The following SASH1 variants were observed in gnomAD, a reference collection of about 807,000 sequenced individuals.
SASH1 encodes the protein SAM and SH3 domain containing 1.
SASH1 carries 44 observed loss-of-function variants against 125.2 expected under a neutral mutation model. The ratio of observed to expected loss-of-function variants is 0.35; its 90% confidence interval spans 0.28 to 0.45. The LOEUF is 0.45. Ranked by LOEUF, SASH1 falls within the 20% of genes least tolerant of loss-of-function variation. The probability of loss-of-function intolerance (pLI) is 1.00; values close to 1 mark genes in which losing one functional copy is unlikely to be tolerated. For missense variants in SASH1, 1,426 were observed against 1,614.5 expected (o/e 0.88, Z 2.00); for synonymous variants, 639 against 649.1 (o/e 0.98, Z 0.24).
chr6:148,308,493 T>A (rs1780205563), intron 1 of SASH1, among the ~76,000 whole-genome samples: 2 of 151,478 alleles, frequency 1.3e-5, no homozygotes, highest in African/African-American at 4.9e-5. Flanking sequence ...CTTCCCAGGT[T>A]CAAGCAATTC....
Position 148,519,541 on chromosome 6 carries a change from C to T in SASH1, c.863-6C>T. The T allele has an allele frequency of 4.3e-6, 7 of 1,610,488 alleles. No homozygotes were observed. Among genetic ancestry groups the T allele is most frequent in the East Asian group, 2.2e-5 (1 of 44,834 alleles). ...TTCACAAGAGACTCTGTTGGTTTCCCTCCAGGTGGGGAGGAGCACGTGTTT... is the reference window on the plus strand; with the variant it reads ...TTCACAAGAGACTCTGTTGGTTTCCTTCCAGGTGGGGAGGAGCACGTGTTT... On this transcript the variant is annotated splice_polypyrimidine_tract_variant and splice_region_variant and intron_variant, in intron 9 of 19. Transcript: ENST00000367467. This position sits in a 1 kb window ranked among gnomAD's most constrained non-coding sequence, Gnocchi z 4.8.
chr6:148,379,083 G>A (rs1783028470), intron 1 of SASH1, among the ~76,000 whole-genome samples: 2 of 152,182 alleles, frequency 1.3e-5, no homozygotes, highest in Non-Finnish European at 2.9e-5. Flanking sequence ...CAAAATCTCT[G>A]TGGTTTGGTT....
chr6:148,449,965 G>A (rs1444780616), intron 4 of SASH1, among the ~76,000 whole-genome samples: 2 of 152,068 alleles, frequency 1.3e-5, no homozygotes, highest in African/African-American at 2.4e-5. Context: ...CACAAGCATG[G>A]CAGCAAACCA....
At chr6:148,305,907 C>G (rs1017851501) in intron 1 of SASH1, among the ~76,000 whole-genome samples, 2 of 152,112 alleles carry the variant, frequency 1.3e-5, no homozygotes, top group Non-Finnish European at 2.9e-5. Context: ...TAGAATAACT[C>G]AGGGAGTACA....
At chr6:148,268,633 G>A (rs1436291740), upstream of SASH1, among the ~76,000 whole-genome samples, 1 of 152,130 alleles carries the variant, frequency 6.6e-6, no homozygotes, top group Non-Finnish European at 1.5e-5. Flanking sequence ...GTGGAATTCT[G>A]TTCCCTCTGG....
the SASH1 span, among the ~76,000 whole-genome samples, chr6:148,213,529 TG>T: frequency 6.6e-6 from 1 of 151,482 alleles, no homozygotes; most frequent in African/African-American, 2.4e-5. Flanking sequence ...TGTGTGTGTG[TG>T]TGTTTAAAGT....
chr6:148,307,026 TTC>T (rs1054481027), intron 1 of SASH1, among the ~76,000 whole-genome samples: 1 of 18,698 alleles, frequency 5.3e-5, no homozygotes, highest in Non-Finnish European at 1.1e-4. Flanking sequence ...TCTCTTTCTT[TTC>T]TTTCTTTCTT....
intron 7 of SASH1, among the ~76,000 whole-genome samples, chr6:148,487,364 G>A (rs1778922362): frequency 6.6e-6 from 1 of 151,984 alleles, no homozygotes; most frequent in Non-Finnish European, 1.5e-5. Flanking sequence ...TTTGCCTGTT[G>A]ATTTGACTTA....
chr6:148,387,059 C>T lies in SASH1; in HGVS notation c.157-3075C>T, dbSNP rs917081505. Among the ~76,000 whole-genome samples, 6 of 149,362 alleles carry T rather than the reference C, an allele frequency of 4.0e-5. No homozygotes were observed. The East Asian group carries it at 9.8e-4, about 24-fold the overall frequency. ...TCTTTCTTGCTTTCTCCCTCTCTTT[C>T]TTTCTTGCTTTCTCCCTCTGTCTCT... On this transcript the variant is annotated intron_variant, in intron 1 of 19. Coordinates refer to ENST00000367467, the MANE Select transcript of SASH1 (RefSeq NM_015278.5).
Position 148,546,278 on chromosome 6 carries a change from A to G in SASH1, c.3480+132A>G, listed in dbSNP as rs1278688425. On this transcript the variant is annotated intron_variant, in intron 19 of 19. Transcript: ENST00000367467. The stretch of plus-strand genomic sequence containing the variant: ...AAAGGAGACAGCTGGGGAGAAAGTA[A>G]TATGTGGTCAGCCTAGAAATGTTTA... 4 of 1,019,630 alleles carry G rather than the reference A, an allele frequency of 3.9e-6. No homozygotes were observed. In the South Asian group the frequency reaches 5.0e-5, roughly 13 times the overall value. 63.2% of individuals were successfully genotyped at this position (1,019,630 alleles called of 1,614,324 possible). A position where few individuals can be genotyped will look rare whatever the true frequency, so the allele number is the denominator to read the frequency against.
intron 7 of SASH1, among the ~76,000 whole-genome samples, chr6:148,486,159 C>T (rs1347761516): frequency 6.6e-6 from 1 of 152,116 alleles, no homozygotes; most frequent in Non-Finnish European, 1.5e-5. Flanking sequence ...TTGCTCTTGT[C>T]GCCCGGGCTG....
chr6:148,287,070 G>A (rs1779500123), intron 1 of SASH1, among the ~76,000 whole-genome samples: 2 of 152,158 alleles, frequency 1.3e-5, no homozygotes, highest in Non-Finnish European at 2.9e-5. Context: ...AGATGTGAGT[G>A]GAGGTGCCGT....
At chr6:148,299,243 T>G (rs1779865430) in intron 1 of SASH1, among the ~76,000 whole-genome samples, 1 of 152,180 alleles carries the variant, frequency 6.6e-6, no homozygotes, top group Admixed American at 6.5e-5. Flanking sequence ...AGCCAGTTGC[T>G]GGAGATGTAG....
intron 2 of SASH1, among the ~76,000 whole-genome samples, chr6:148,436,533 A>G (rs2114992686): frequency 6.6e-6 from 1 of 151,988 alleles, no homozygotes; most frequent in South Asian, 2.1e-4. Flanking sequence ...AAAAATTAAA[A>G]AAAACAAAAA....
chr6:148,302,186 G>A (rs1363288858), intron 1 of SASH1, among the ~76,000 whole-genome samples: 2 of 150,898 alleles, frequency 1.3e-5, no homozygotes, highest in African/African-American at 2.4e-5. Flanking sequence ...GTGGTGGCGG[G>A]CGCCTGTAGT....
chr6:148,286,265 G>A (rs1054519644), intron 1 of SASH1, among the ~76,000 whole-genome samples: 4 of 151,848 alleles, frequency 2.6e-5, no homozygotes, highest in African/African-American at 4.8e-5. Flanking sequence ...GCTGGGCGTG[G>A]TGGCGTATGC....
intron 8 of SASH1, chr6:148,508,811 G>C (rs1023312367): frequency 1.4e-6 from 1 of 714,000 alleles, no homozygotes; most frequent in Non-Finnish European, 2.1e-6. Flanking sequence ...TCTCCGAGTG[G>C]GGAGGGGGGT....
chr6:148,361,626 A>T (rs533097036), intron 1 of SASH1, among the ~76,000 whole-genome samples: 2 of 151,992 alleles, frequency 1.3e-5, no homozygotes, highest in African/African-American at 4.8e-5. Flanking sequence ...AGGGAAAAAA[A>T]GGACAGCAGA....
chr6:148,522,754 A>T (rs929514544), intron 10 of SASH1, among the ~76,000 whole-genome samples: 1 of 152,232 alleles, frequency 6.6e-6, no homozygotes, highest in African/African-American at 2.4e-5. Context: ...TGAACTAAAA[A>T]AACTTCATTT....
Sources: allele counts gnomAD v4.1 joint callset (sites outside exome capture counted in the v4.1 genomes callset), GRCh38; gene constraint gnomAD v4.1.1; non-coding constraint Gnocchi (gnomAD v3.1); transcripts MANE v1.5; gene names NCBI Gene and HGNC (gene_info 2026-07-23, HGNC 2026-07-21).